The following XRRA1 variants were observed in gnomAD, a reference collection of about 807,000 sequenced individuals.
XRRA1 encodes X-ray radiation resistance-associated protein 1.
In XRRA1, 69 loss-of-function variants were observed where a neutral mutation model predicts 80.2. The observed-to-expected ratio is 0.86, with a 90% CI of 0.71 to 1.05. The LOEUF (loss-of-function observed/expected upper bound fraction) is 1.05, where lower values mean the gene tolerates loss of function less well. Ranked by LOEUF, XRRA1 falls within the 50% of genes least tolerant of loss-of-function variation. XRRA1 has a pLI of 0.00. For missense variants in XRRA1, 967 were observed against 976.4 expected (o/e 0.99, Z 0.13); for synonymous variants, 348 against 389.9 (o/e 0.89, Z 1.27).
At chr11:74,898,811 G>C (rs1042650789) in intron 10 of XRRA1, among the ~76,000 whole-genome samples, 1 of 152,110 alleles carries the variant, frequency 6.6e-6, no homozygotes, top group South Asian at 2.1e-4. Flanking sequence ...GTAATAGCTG[G>C]AGACTTCAAC....
At chr11:74,858,670 C>G (rs192928958) in intron 12 of XRRA1, among the ~76,000 whole-genome samples, 1 of 152,244 alleles carries the variant, frequency 6.6e-6, no homozygotes, top group Admixed American at 6.5e-5. Flanking sequence ...CTTGACTCAC[C>G]CCTCTTCACC....
intron 2 of XRRA1, among the ~76,000 whole-genome samples, chr11:74,944,646 T>C (rs1440982779): frequency 6.6e-6 from 1 of 152,238 alleles, no homozygotes; most frequent in Non-Finnish European, 1.5e-5. Flanking sequence ...GACTTTATTA[T>C]AATTGTTTGC....
At chr11:74,867,915 A>AT (rs1230282565) in intron 10 of XRRA1, among the ~76,000 whole-genome samples, 1 of 39,508 alleles carries the variant, frequency 2.5e-5, no homozygotes, top group Non-Finnish European at 5.1e-5. Context: ...CCTATAGTCA[A>AT]TCTTTTTTTT....
chr11:74,909,201 G>A (rs551266300), intron 8 of XRRA1, among the ~76,000 whole-genome samples: 1 of 152,294 alleles, frequency 6.6e-6, no homozygotes, highest in Non-Finnish European at 1.5e-5. Flanking sequence ...TAGAGAACAG[G>A]CTTGAAGTCC....
chr11:74,896,758 A>G (rs1177737647), intron 10 of XRRA1, among the ~76,000 whole-genome samples: 1 of 152,190 alleles, frequency 6.6e-6, no homozygotes, highest in East Asian at 1.9e-4. Flanking sequence ...GGCAGAAAGT[A>G]AGGGAAAAGA....
chr11:74,935,181 GA>G (rs1014659511), intron 4 of XRRA1, among the ~76,000 whole-genome samples: 11 of 152,166 alleles, frequency 7.2e-5, no homozygotes, highest in Admixed American at 3.3e-4. Context: ...TCTTACTTCT[GA>G]AAAGACATTA....
At chr11:74,906,775 C>G (rs936762151) in intron 9 of XRRA1, 54 of 403,472 alleles carry the variant, frequency 1.3e-4, no homozygotes, top group African/African-American at 1.1e-3. Flanking sequence ...AATGTAAATG[C>G]CACTATTTTC....
rs1367986193 is a variant in XRRA1, at chr11:74,906,383, C to T, written c.859G>A (p.Glu287Lys). The T allele has an allele frequency of 3.7e-6, 6 of 1,613,970 alleles. No individual in the cohort carries two copies. Among genetic ancestry groups the T allele is most frequent in the East Asian group, 2.2e-5 (1 of 44,880 alleles). Residue 287 changes from glutamate to lysine, a missense_variant, in exon 10 of 19, where the codon GAG becomes AAG. Coordinates refer to ENST00000684022, the MANE Select transcript of XRRA1 (RefSeq NM_001378157.1). ...CTGCCTCCATTCCAGTCTACTGACTCGTCATAGAGCTGAACTTGCTGTAGG... is the reference window on the plus strand; with the variant it reads ...CTGCCTCCATTCCAGTCTACTGACTTGTCATAGAGCTGAACTTGCTGTAGG... The part of the protein sequence containing the change: ...PYLQQVQLYD[E>K]SVDWNGGRGS...
chr11:74,886,767 T>A (rs1470058544), intron 10 of XRRA1, among the ~76,000 whole-genome samples: 1 of 152,138 alleles, frequency 6.6e-6, no homozygotes, highest in Non-Finnish European at 1.5e-5. Flanking sequence ...AAGGAAGTCC[T>A]AAGCAAAAAG....
Position 74,906,311 on chromosome 11 carries a change from T to C in XRRA1, c.931A>G (p.Arg311Gly), listed in dbSNP as rs901976294. The C allele has an allele frequency of 3.1e-6, 5 of 1,613,916 alleles. No homozygotes were observed. In the African/African-American group the frequency reaches 6.7e-5, roughly 22 times the overall value. Reference sequence around the variant, plus strand: ...TGCTCATCTGAGTCCTCAAGCATCCTTGGCTTGGACTGCAGCATGAATTGG... The same window carrying C: ...TGCTCATCTGAGTCCTCAAGCATCCCTGGCTTGGACTGCAGCATGAATTGG... ...EPQFMLQSKP[R>G]MLEDSDEQLD... Residue 311 changes from arginine to glycine, a missense_variant, in exon 10 of 19, where the codon AGG becomes GGG. Arg to Gly is a moderately radical substitution (Grantham distance 125). Transcript: ENST00000684022.
chr11:74,857,157 G>T (rs1341675910), intron 12 of XRRA1, among the ~76,000 whole-genome samples: 1 of 152,110 alleles, frequency 6.6e-6, no homozygotes, highest in Non-Finnish European at 1.5e-5. Context: ...TGAGGTGCAG[G>T]CACTCAGGGA....
intron 10 of XRRA1, among the ~76,000 whole-genome samples, chr11:74,866,392 C>T (rs1429601369): frequency 6.6e-6 from 1 of 151,784 alleles, no homozygotes; most frequent in Non-Finnish European, 1.5e-5. Flanking sequence ...TAGCTGGGAC[C>T]ACAGGCATGC....
At chr11:74,879,390 T>C (rs2046906698) in intron 10 of XRRA1, among the ~76,000 whole-genome samples, 1 of 152,200 alleles carries the variant, frequency 6.6e-6, no homozygotes, top group Middle Eastern at 3.2e-3. Context: ...TTTCTAGATA[T>C]ACAATTATGT....
chr11:74,862,926 TATTAAA>T, intron 11 of XRRA1, 49 bp downstream of exon 11: 5 of 1,392,000 alleles, frequency 3.6e-6, no homozygotes, highest in Non-Finnish European at 4.9e-6. Context: ...TGATTTTGTC[TATTAAA>T]ATTAATGTTC....
At chr11:74,853,681 T>C (rs1172917009) in intron 12 of XRRA1, among the ~76,000 whole-genome samples, 2 of 152,180 alleles carry the variant, frequency 1.3e-5, no homozygotes, top group African/African-American at 2.4e-5. Context: ...TACACTTTTA[T>C]TGTGTTAAGT....
intron 4 of XRRA1, 145 bp from the exon 5 acceptor site, chr11:74,934,017 T>TC (rs1944314374): frequency 8.6e-5 from 65 of 755,026 alleles, no homozygotes; most frequent in Middle Eastern, 2.4e-4. Context: ...ATTCATTCAT[T>TC]ATTCATCCAT....
intron 10 of XRRA1, among the ~76,000 whole-genome samples, chr11:74,875,791 A>G (rs78480309): frequency 0.024 from 3,602 of 152,278 alleles, 123 homozygotes; most frequent in African/African-American, 0.083. Flanking sequence ...TAATTGCTTT[A>G]ACACAGGAGG....
At chr11:74,867,351 T>C (rs1441922718) in intron 10 of XRRA1, among the ~76,000 whole-genome samples, 2 of 151,786 alleles carry the variant, frequency 1.3e-5, no homozygotes, top group African/African-American at 4.8e-5. Context: ...ATATGGGAGA[T>C]GAAAGATGAA....
chr11:74,902,493 T>C (rs1372121522), intron 10 of XRRA1, among the ~76,000 whole-genome samples: 1 of 152,176 alleles, frequency 6.6e-6, no homozygotes, highest in Non-Finnish European at 1.5e-5. Context: ...GTGTTCACAA[T>C]AGCCAAGATT....
Sources: gnomAD v4.1 joint callset for allele counts (sites outside exome capture counted in the v4.1 genomes callset) on GRCh38, gnomAD v4.1.1 for gene constraint, MANE v1.5 for transcripts, NCBI Gene and HGNC (gene_info 2026-07-23, HGNC 2026-07-21) for gene names.